The following TASOR2 variants were observed in gnomAD, a reference collection of about 807,000 sequenced individuals.
TASOR2 encodes the protein protein TASOR 2.
Under a neutral mutation model 199.5 loss-of-function variants are expected in TASOR2, and 84 were observed. The observed-to-expected ratio is 0.42, with a 90% CI of 0.35 to 0.50. The LOEUF is 0.50. Among genes scored for constraint, TASOR2 ranks in the 20% least tolerant of loss-of-function variants. TASOR2 has a pLI of 0.02. For missense variants in TASOR2, 2,796 were observed against 2,835.9 expected (o/e 0.99, Z 0.32); for synonymous variants, 1,103 against 1,046.6 (o/e 1.05, Z -1.04).
intron 1 of TASOR2, among the ~76,000 whole-genome samples, chr10:5,705,706 T>C (rs1370000792): frequency 6.6e-6 from 1 of 152,162 alleles, no homozygotes; most frequent in African/African-American, 2.4e-5. Flanking sequence ...TAATTAGCAC[T>C]TCCCTGATAA....
chr10:5,746,750 T>G, exon 15 of TASOR2: 1 of 1,614,100 alleles, frequency 6.2e-7, no homozygotes, highest in Non-Finnish European at 8.5e-7. Context: ...CTGAGGGACA[T>G]TCCCTCTCTA....
exon 15 of TASOR2, chr10:5,746,762 T>G (rs565938422): frequency 6.2e-7 from 1 of 1,614,102 alleles, no homozygotes; most frequent in South Asian, 1.1e-5. Flanking sequence ...CCCTCTCTAG[T>G]AGTTGCAGGA....
chr10:5,731,843 G>T (rs985652242), intron 11 of TASOR2, among the ~76,000 whole-genome samples: 23 of 152,228 alleles, frequency 1.5e-4, no homozygotes, highest in Non-Finnish European at 2.4e-4. Flanking sequence ...AATGGAGGTA[G>T]AAAAGGTTCT....
At chr10:5,746,741 T>G (rs1463590684) in exon 15 of TASOR2, 9 of 1,614,034 alleles carry the variant, frequency 5.6e-6, no homozygotes, top group Non-Finnish European at 7.6e-6. Flanking sequence ...ACACAAGGCC[T>G]GAGGGACATT....
chr10:5,749,672 G>A, exon 15 of TASOR2: 1 of 1,614,170 alleles, frequency 6.2e-7, no homozygotes, highest in Non-Finnish European at 8.5e-7. Context: ...AATTCTCAAA[G>A]AAATCACACT....
exon 15 of TASOR2, chr10:5,749,439 A>G (rs781508689): frequency 6.2e-7 from 1 of 1,614,212 alleles, no homozygotes. Flanking sequence ...ATGTCTTTCC[A>G]AAGGAGTCAC....
In TASOR2 at chr10:5,730,673, C is replaced by T. The variant is rs773356962; in HGVS notation, c.674C>T (p.Ala225Val). 6.2e-7 allele frequency: 1 copy of T among 1,614,202 alleles called. No homozygotes were observed. The highest frequency in any genetic ancestry group is 8.5e-7 in the Non-Finnish European group (1 of 1,180,024). ...GACAGAAGCCCTTCATTGAGTGTTG[C>T]TCCTCAGGATAGAATGAAAGACCCT... The change falls in exon 11 of 21, where the codon GCT (alanine) becomes GTT (valine). Residue 225 changes from alanine to valine, a missense_variant. Physicochemically the swap from Ala to Val is moderately conservative, Grantham distance 64. Transcript: ENST00000328090. This position sits in a 1 kb window ranked among gnomAD's most constrained non-coding sequence, Gnocchi z 4.1.
chr10:5,712,196 A>C (rs538981110), intron 1 of TASOR2: 104 of 331,950 alleles, frequency 3.1e-4, no homozygotes, highest in Middle Eastern at 8.2e-4. Flanking sequence ...TACTAAAAGT[A>C]ATTCAGCTTC....
intron 18 of TASOR2, chr10:5,760,804 C>T (rs563747739): frequency 5.2e-5 from 8 of 152,500 alleles, no homozygotes; most frequent in African/African-American, 1.7e-4. Context: ...ACTAGAGAGA[C>T]GGGAGTCGAG....
rs1836229307 is a variant in TASOR2 at position 5,740,349 on chromosome 10, G to A, written c.2179G>A (p.Val727Met). The A allele has an allele frequency of 6.2e-7, 1 of 1,614,174 alleles. No homozygotes were observed. Among genetic ancestry groups the A allele is most frequent in the Non-Finnish European group, 8.5e-7 (1 of 1,180,026 alleles). Residue 727 changes from valine (V) to methionine (M), a missense_variant, in exon 13 of 21, where the codon GTG becomes ATG. Around this residue, in one of 3 missense-constraint regions of TASOR2, gnomAD observed 847 missense variants for 887.4 expected, o/e 0.95. Transcript: ENST00000328090. The surrounding 1 kb of genome is among the most constrained non-coding windows in gnomAD (Gnocchi z 5.3). ...CAAGGATCGACCACCGTCTGCCCGT[G>A]TGAAAAAATCTTCTTGCTCTCGTAT... is the stretch of plus-strand genomic sequence containing the variant.
At position 5,701,189 on chromosome 10, in the gene TASOR2, C is replaced by T. The variant is rs1291060839; in HGVS notation, c.-287-11634C>T. On this transcript the variant is annotated intron_variant, in intron 1 of 20. Transcript: ENST00000328090. This position sits in a 1 kb window ranked among gnomAD's most constrained non-coding sequence, Gnocchi z 4.9. ...TTGTATATGGTCAGATTGTTTTGTT[C>T]TTCTGCATGTAGTTATCCAGTTTTC... Among the ~76,000 whole-genome samples the T allele has an allele frequency of 6.6e-6, 1 of 152,036 alleles. No homozygotes were observed. The highest frequency in any genetic ancestry group is 1.5e-5 in the Non-Finnish European group (1 of 67,972).
exon 20 of TASOR2, chr10:5,762,610 T>A: frequency 1.4e-6 from 2 of 1,462,474 alleles, no homozygotes; most frequent in Non-Finnish European, 9.3e-7. Flanking sequence ...ATAGAAAACA[T>A]AGAAAAAATA....
At position 5,756,742 on chromosome 10, in the gene TASOR2, G is replaced by A. The variant is rs373878239; in HGVS notation, c.6732+4G>A. Reference sequence around the variant, plus strand: ...TATATCATCACATTTGCATCAGGTCGGTTGGAAATACCTTACAAAGAAACG... The same window carrying A: ...TATATCATCACATTTGCATCAGGTCAGTTGGAAATACCTTACAAAGAAACG... On this transcript the variant is annotated splice_donor_region_variant and intron_variant, in intron 16 of 20. Coordinates refer to ENST00000328090, the Ensembl canonical transcript of TASOR2. The A allele has an allele frequency of 2.4e-5, 38 of 1,610,588 alleles. No individual in the cohort carries two copies. The African/African-American group carries it at 2.4e-4, about 10-fold the overall frequency.
rs765330508 is a variant in TASOR2, at chr10:5,756,758, C to T, written c.6732+20C>T. On this transcript the variant is annotated intron_variant, in intron 16 of 20. Transcript: ENST00000328090. Reference sequence around the variant, plus strand: ...CATCAGGTCGGTTGGAAATACCTTACAAAGAAACGTATTCCAGGCACATAA... The same window carrying T: ...CATCAGGTCGGTTGGAAATACCTTATAAAGAAACGTATTCCAGGCACATAA... 6.2e-7 allele frequency: 1 copy of T among 1,608,060 alleles called. No individual in the cohort carries two copies. The highest frequency in any genetic ancestry group is 2.2e-5 in the East Asian group (1 of 44,680).
At chr10:5,739,390 G>T (rs1445144792) in intron 12 of TASOR2, among the ~76,000 whole-genome samples, 1 of 152,036 alleles carries the variant, frequency 6.6e-6, no homozygotes, top group Non-Finnish European at 1.5e-5. Context: ...TATAATCTGA[G>T]GGTTGAAAGA....
At chr10:5,721,344 G>A (rs1833333922) in intron 6 of TASOR2, among the ~76,000 whole-genome samples, 1 of 152,114 alleles carries the variant, frequency 6.6e-6, no homozygotes, top group African/African-American at 2.4e-5. Flanking sequence ...TTAGAAAAAT[G>A]TTAGAATAGC....
intron 8 of TASOR2, among the ~76,000 whole-genome samples, chr10:5,724,998 T>C (rs534215535): frequency 6.6e-6 from 1 of 152,274 alleles, no homozygotes; most frequent in African/African-American, 2.4e-5. Context: ...TATTATGCTA[T>C]ACTTGAGTAC....
At chr10:5,759,540 C>CTGACAA (rs1839464090) in intron 18 of TASOR2, among the ~76,000 whole-genome samples, 1 of 152,214 alleles carries the variant, frequency 6.6e-6, no homozygotes, top group African/African-American at 2.4e-5. Context: ...AAAAGCAGAC[C>CTGACAA]TGACAAGCCC....
intron 6 of TASOR2, among the ~76,000 whole-genome samples, chr10:5,723,205 A>G (rs1724280470): frequency 6.6e-6 from 1 of 151,314 alleles, no homozygotes; most frequent in Non-Finnish European, 1.5e-5. Flanking sequence ...ACAGGCGCCC[A>G]CCACCACATC....
Sources: gnomAD v4.1 joint callset for allele counts (sites outside exome capture counted in the v4.1 genomes callset) on GRCh38, gnomAD v4.1.1 for gene constraint, gnomAD v4.1.1 regional missense constraint, Gnocchi (gnomAD v3.1) non-coding constraint, MANE v1.5 for transcripts, NCBI Gene and HGNC (gene_info 2026-07-23, HGNC 2026-07-21) for gene names.